RPS6KC1: variants seen among roughly 807,000 people sequenced by gnomAD.
RPS6KC1 encodes inactive ribosomal protein S6 kinase delta-1.
A neutral mutation model predicts 103.8 loss-of-function variants in RPS6KC1; 54 were observed. The observed-to-expected ratio is 0.52, with a 90% CI of 0.42 to 0.65. The LOEUF is 0.65. Among genes scored for constraint, RPS6KC1 ranks in the 30% least tolerant of loss-of-function variants. The probability of loss-of-function intolerance (pLI) is 0.00; values close to 1 mark genes in which losing one functional copy is unlikely to be tolerated. For missense variants in RPS6KC1, 1,151 were observed against 1,253.8 expected (o/e 0.92, Z 1.24); for synonymous variants, 439 against 438.7 (o/e 1.00, Z -0.01).
At chr1:213,430,367 G>C in the RPS6KC1 span, among the ~76,000 whole-genome samples, 4 of 152,172 alleles carry the variant, frequency 2.6e-5, no homozygotes, top group Non-Finnish European at 2.9e-5. Flanking sequence ...TCTTCAGGGT[G>C]CAATTTCACG....
chr1:213,644,460 T>C, the RPS6KC1 span, among the ~76,000 whole-genome samples: 1 of 152,090 alleles, frequency 6.6e-6, no homozygotes, highest in Non-Finnish European at 1.5e-5. Context: ...ATGACACATA[T>C]CCACGAGTAC....
chr1:213,438,184 G>A, the RPS6KC1 span, among the ~76,000 whole-genome samples: 1 of 151,986 alleles, frequency 6.6e-6, no homozygotes, highest in Admixed American at 6.6e-5. Context: ...TTTCCGTTTT[G>A]CCATCCATTT....
intron 7 of RPS6KC1, among the ~76,000 whole-genome samples, chr1:213,172,848 C>T (rs192998973): frequency 2.0e-5 from 3 of 152,308 alleles, no homozygotes; most frequent in Non-Finnish European, 4.4e-5. Context: ...CCATTCTTTG[C>T]CTCTCTTAGC....
chr1:213,165,463 G>A (rs1043443555), intron 6 of RPS6KC1, among the ~76,000 whole-genome samples: 2 of 151,626 alleles, frequency 1.3e-5, no homozygotes, highest in East Asian at 1.9e-4. Flanking sequence ...TTGCACTGTC[G>A]CCCAGGCTGG....
chr1:213,698,122 T>C, the RPS6KC1 span, among the ~76,000 whole-genome samples: 1 of 152,230 alleles, frequency 6.6e-6, no homozygotes, highest in African/African-American at 2.4e-5. Flanking sequence ...TTTTGACTTA[T>C]AATACTTTCG....
chr1:213,513,274 C>T, the RPS6KC1 span, among the ~76,000 whole-genome samples: 1 of 152,186 alleles, frequency 6.6e-6, no homozygotes, highest in Non-Finnish European at 1.5e-5. Context: ...GAAAGGAACT[C>T]AGCCCTGCTA....
chr1:213,729,841 G>T, the RPS6KC1 span, among the ~76,000 whole-genome samples: 1 of 152,024 alleles, frequency 6.6e-6, no homozygotes, highest in African/African-American at 2.4e-5. Flanking sequence ...TGTGTCATGG[G>T]AGTTTGTTGT....
At chr1:213,736,357 A>G in the RPS6KC1 span, among the ~76,000 whole-genome samples, 671 of 152,326 alleles carry the variant, frequency 4.4e-3, 7 homozygotes, top group Middle Eastern at 0.041. Flanking sequence ...AGTTGTTGGC[A>G]GAATTCATTT....
At chr1:213,465,885 C>T in the RPS6KC1 span, among the ~76,000 whole-genome samples, 3 of 152,094 alleles carry the variant, frequency 2.0e-5, no homozygotes, top group Admixed American at 2.0e-4. Flanking sequence ...CCTATCTCTC[C>T]TTCCACAACT....
At chr1:213,772,220 G>A in the RPS6KC1 span, among the ~76,000 whole-genome samples, 9 of 152,146 alleles carry the variant, frequency 5.9e-5, no homozygotes, top group African/African-American at 2.2e-4. Flanking sequence ...ATTATGCAGC[G>A]TGGGTAAGGA....
At chr1:213,849,557 T>C in the RPS6KC1 span, among the ~76,000 whole-genome samples, 28 of 152,328 alleles carry the variant, frequency 1.8e-4, no homozygotes, top group Admixed American at 1.6e-3. Context: ...ACAATTTCCC[T>C]CATTCATTTT....
chr1:213,356,940 C>T, the RPS6KC1 span, among the ~76,000 whole-genome samples: 1 of 152,182 alleles, frequency 6.6e-6, no homozygotes, highest in Non-Finnish European at 1.5e-5. Context: ...GGGCACTGCA[C>T]CTGGACTGTT....
At chr1:213,072,757 A>G (rs986789891) in intron 2 of RPS6KC1, 4 of 155,556 alleles carry the variant, frequency 2.6e-5, no homozygotes. Flanking sequence ...AGTGTGAACT[A>G]TTCTTTAGAT....
At chr1:213,806,295 G>A in the RPS6KC1 span, among the ~76,000 whole-genome samples, 1 of 152,098 alleles carries the variant, frequency 6.6e-6, no homozygotes, top group Non-Finnish European at 1.5e-5. Flanking sequence ...TCGCACCACT[G>A]TACTCCAGCC....
chr1:213,472,079 T>C, the RPS6KC1 span, among the ~76,000 whole-genome samples: 17 of 152,210 alleles, frequency 1.1e-4, no homozygotes, highest in African/African-American at 4.1e-4. Context: ...ATTTTTGTTG[T>C]TATTGTTTCA....
At chr1:213,491,435 C>A in the RPS6KC1 span, among the ~76,000 whole-genome samples, 1 of 152,140 alleles carries the variant, frequency 6.6e-6, no homozygotes, top group Non-Finnish European at 1.5e-5. Flanking sequence ...GTGATCCCAG[C>A]TACTATGGAG....
chr1:213,444,825 C>T, the RPS6KC1 span, among the ~76,000 whole-genome samples: 1 of 151,436 alleles, frequency 6.6e-6, no homozygotes, highest in Non-Finnish European at 1.5e-5. Flanking sequence ...CACTCACATA[C>T]CTATTTCTTT....
intron 4 of RPS6KC1, among the ~76,000 whole-genome samples, chr1:213,113,682 G>T (rs9660835): frequency 0.73 from 108,594 of 149,220 alleles, 40,405 homozygotes; most frequent in African/African-American, 0.87. Context: ...CTAGGGTTTT[G>T]ATGGTTTTAG....
intron 3 of RPS6KC1, among the ~76,000 whole-genome samples, chr1:213,094,456 TC>T (rs1207844579): frequency 6.6e-6 from 1 of 152,182 alleles, no homozygotes; most frequent in Non-Finnish European, 1.5e-5. Flanking sequence ...TTATTTTTTT[TC>T]TTTTTGATTT....
Sources: allele counts gnomAD v4.1 joint callset (sites outside exome capture counted in the v4.1 genomes callset), GRCh38; gene constraint gnomAD v4.1.1; transcripts MANE v1.5; gene names NCBI Gene and HGNC (gene_info 2026-07-23, HGNC 2026-07-21).